NPEPPS: variants seen among roughly 807,000 people sequenced by gnomAD.
The protein encoded by NPEPPS is puromycin-sensitive aminopeptidase.
NPEPPS carries 14 observed loss-of-function variants against 115.5 expected under a neutral mutation model. The observed-to-expected ratio is 0.12, with a 90% CI of 0.08 to 0.19. NPEPPS has a LOEUF of 0.19. Ranked by LOEUF, NPEPPS falls within the 10% of genes least tolerant of loss-of-function variation. NPEPPS has a pLI of 1.00. For missense variants in NPEPPS, 523 were observed against 1,110.8 expected, an observed-to-expected ratio of 0.47 and a Z score of 7.52; for synonymous variants, 285 against 390.6, an observed-to-expected ratio of 0.73 and a Z score of 3.19.
intron 2 of NPEPPS, among the ~76,000 whole-genome samples, chr17:47,555,373 G>A (rs1909930689): frequency 7.0e-6 from 1 of 142,296 alleles, no homozygotes. Context: ...TTGAGATGGA[G>A]TTTCGCTCTT....
At chr17:47,534,240 C>T (rs551460205) in intron 1 of NPEPPS, among the ~76,000 whole-genome samples, 166 of 151,850 alleles carry the variant, frequency 1.1e-3, no homozygotes, top group African/African-American at 3.5e-3. Context: ...TACAGGTGCC[C>T]GCCACTGCAC....
chr17:47,601,742 G>A lies in NPEPPS; in HGVS notation c.1735G>A (p.Val579Met). 3 of 1,613,318 alleles carry A rather than the reference G, an allele frequency of 1.9e-6. No individual in the cohort carries two copies. The highest frequency in any genetic ancestry group is 2.5e-6 in the Non-Finnish European group (3 of 1,179,630). ...GAAAAATGTCAAACCAGACCAATGG[G>A]TGAAGGTGAGTTCAGAATCTTACCT... ...VLKNVKPDQW[V>M]KLNLGTVGFY... The change falls in exon 15 of 23, where the codon GTG (valine) becomes ATG (methionine). Residue 579 changes from valine (V) to methionine (M), a missense_variant. This residue lies in a region of NPEPPS where 372 missense variants were observed against 542.6 expected (regional missense o/e 0.69). Transcript: ENST00000322157.
intron 1 of NPEPPS, among the ~76,000 whole-genome samples, chr17:47,536,371 T>TTC (rs1908257444): frequency 6.7e-6 from 1 of 149,164 alleles, no homozygotes; most frequent in Non-Finnish European, 1.5e-5. Context: ...TTTGCCCAAA[T>TTC]TCTGCATATT....
Position 47,613,532 on chromosome 17 carries a change from G to C in NPEPPS, c.2239-137G>C, listed in dbSNP as rs932638384. ...TCCGCCTGCCTCGGCCTCCCAAAGT[G>C]CAGGGATTACAGGCGTGAGTCACCG... On this transcript the variant is annotated intron_variant, in intron 18 of 22. Transcript: ENST00000322157. 1.8e-5 allele frequency: 12 copies of C among 654,834 alleles called. No homozygotes were observed. In the Admixed American group the frequency reaches 3.2e-4, roughly 17 times the overall value. 40.6% of individuals were successfully genotyped at this position (654,834 alleles called of 1,614,324 possible). A position where few individuals can be genotyped will look rare whatever the true frequency, so the allele number is the denominator to read the frequency against.
chr17:47,577,462 AT>A (rs1187297975), intron 3 of NPEPPS, among the ~76,000 whole-genome samples: 1 of 152,182 alleles, frequency 6.6e-6, no homozygotes, highest in Non-Finnish European at 1.5e-5. Context: ...GAAAATAGAA[AT>A]TAAAAATTTT....
In NPEPPS at chr17:47,613,651, A is replaced by C. The variant is rs890643926; in HGVS notation, c.2239-18A>C. The C allele has an allele frequency of 2.5e-6, 4 of 1,594,206 alleles. No homozygotes were observed. The African/African-American group carries it at 4.0e-5, about 16-fold the overall frequency. On this transcript the variant is annotated intron_variant, in intron 18 of 22. Coordinates refer to ENST00000322157, the MANE Select transcript of NPEPPS (RefSeq NM_006310.4). ...CAAGGTACATTTAATCAAATGACTT[A>C]TTTTTTGTCCCTTGTAGGTCTATCT...
intron 1 of NPEPPS, among the ~76,000 whole-genome samples, chr17:47,523,423 T>C (rs1400629453): frequency 6.6e-6 from 1 of 151,850 alleles, no homozygotes; most frequent in African/African-American, 2.4e-5. Context: ...ATAGGCTTTT[T>C]TTTTGTTTTT....
intron 2 of NPEPPS, among the ~76,000 whole-genome samples, chr17:47,553,268 G>A (rs1185098807): frequency 1.3e-5 from 2 of 151,490 alleles, no homozygotes; most frequent in African/African-American, 4.9e-5. Flanking sequence ...AGCTACTCGG[G>A]AGGCTGAGGT....
At chr17:47,545,884 C>T in intron 1 of NPEPPS, 25 bp from the exon 2 acceptor site, 5 of 1,499,072 alleles carry the variant, frequency 3.3e-6, no homozygotes, top group Non-Finnish European at 4.5e-6. Flanking sequence ...ATTTCTGACA[C>T]TGTTGATTTT....
At chr17:47,587,552 A>G (rs1391518444) in intron 9 of NPEPPS, among the ~76,000 whole-genome samples, 2 of 152,034 alleles carry the variant, frequency 1.3e-5, no homozygotes, top group African/African-American at 4.8e-5. Flanking sequence ...TATTCAACAG[A>G]CACTTCCTAA....
intron 17 of NPEPPS, among the ~76,000 whole-genome samples, chr17:47,609,924 A>G (rs1449154620): frequency 6.6e-6 from 1 of 152,152 alleles, no homozygotes; most frequent in Non-Finnish European, 1.5e-5. Context: ...CATCATATGA[A>G]TATACTACAT....
At chr17:47,547,899 G>A (rs1388673838) in intron 2 of NPEPPS, among the ~76,000 whole-genome samples, 1 of 152,092 alleles carries the variant, frequency 6.6e-6, no homozygotes, top group Non-Finnish European at 1.5e-5. Flanking sequence ...GGTGGCGGGC[G>A]CCTGTGGTCC....
intron 2 of NPEPPS, among the ~76,000 whole-genome samples, chr17:47,549,394 A>G (rs1001467520): frequency 6.6e-6 from 1 of 152,014 alleles, no homozygotes; most frequent in African/African-American, 2.4e-5. Context: ...ACACTTTTCT[A>G]CCACAGCAAC....
intron 2 of NPEPPS, among the ~76,000 whole-genome samples, chr17:47,556,728 G>A (rs1315546640): frequency 6.6e-6 from 1 of 152,016 alleles, no homozygotes; most frequent in Non-Finnish European, 1.5e-5. Flanking sequence ...GCCTCCCTCC[G>A]GGACGGGGCG....
chr17:47,606,986 A>T (rs1913556564), intron 17 of NPEPPS, among the ~76,000 whole-genome samples: 1 of 151,858 alleles, frequency 6.6e-6, no homozygotes, highest in African/African-American at 2.4e-5. Flanking sequence ...CAAGGTCAAG[A>T]GTTCAAGACC....
chr17:47,540,869 A>G (rs556375445), intron 1 of NPEPPS, among the ~76,000 whole-genome samples: 1 of 152,296 alleles, frequency 6.6e-6, no homozygotes, highest in South Asian at 2.1e-4. Context: ...ATGCTGACCA[A>G]TTTTTAAAAT....
At chr17:47,542,195 A>G (rs1026931898) in intron 1 of NPEPPS, among the ~76,000 whole-genome samples, 3 of 152,176 alleles carry the variant, frequency 2.0e-5, no homozygotes, top group African/African-American at 7.2e-5. Flanking sequence ...ATTAGTTACC[A>G]TTAATAAAAA....
chr17:47,542,477 C>T (rs1392198706), intron 1 of NPEPPS, among the ~76,000 whole-genome samples: 1 of 139,438 alleles, frequency 7.2e-6, no homozygotes, highest in Non-Finnish European at 1.5e-5. Context: ...ACCTGGGAGG[C>T]GGAGGTTGCG....
Position 47,567,092 on chromosome 17 carries a change from A to C in NPEPPS, c.341-2325A>C, listed in dbSNP as rs146480081. 5.9e-3 allele frequency among the ~76,000 whole-genome samples: 899 copies of C among 152,268 alleles called. 12 individuals carry two copies. Among genetic ancestry groups the C allele is most frequent in the African/African-American group, 0.019 (779 of 41,554 alleles). On this transcript the variant is annotated intron_variant, in intron 2 of 22. Transcript: ENST00000322157. ...GAGATCCTGTCTCAAAAAACAAAAC[A>C]AAACCAAACAAATTTAGGAGCTAGC... is the stretch of plus-strand genomic sequence containing the variant.
Sources: allele counts gnomAD v4.1 joint callset (sites outside exome capture counted in the v4.1 genomes callset), GRCh38; gene constraint gnomAD v4.1.1; regional missense constraint gnomAD v4.1.1; transcripts MANE v1.5; gene names NCBI Gene and HGNC (gene_info 2026-07-23, HGNC 2026-07-21).